The following IL18R1 variants were observed in gnomAD, a reference collection of about 807,000 sequenced individuals.
IL18R1 encodes the protein interleukin-18 receptor 1.
In IL18R1, 40 loss-of-function variants were observed where a neutral mutation model predicts 48.5. The observed-to-expected ratio is 0.82, with a 90% CI of 0.64 to 1.07. The LOEUF (loss-of-function observed/expected upper bound fraction) is 1.07. Among genes scored for constraint, IL18R1 ranks in the 50% least tolerant of loss-of-function variants. The pLI is 0.00. For synonymous variants in IL18R1, 232 were observed against 225.9 expected (o/e 1.03, Z -0.24); for missense variants, 596 against 633.7 (o/e 0.94, Z 0.64).
chr2:102,367,746 T>C (rs2105048085), intron 2 of IL18R1, 79 bp from the exon 3 acceptor site: 2 of 1,237,588 alleles, frequency 1.6e-6, no homozygotes, highest in East Asian at 5.0e-5. Flanking sequence ...CTTCACCTAA[T>C]GCATTAGGAG....
At chr2:102,395,895 C>T (rs1214936676) in intron 10 of IL18R1, among the ~76,000 whole-genome samples, 2 of 152,152 alleles carry the variant, frequency 1.3e-5, no homozygotes, top group Non-Finnish European at 2.9e-5. Context: ...CTGTCGCCTG[C>T]GTCTGCATCT....
chr2:102,364,572 A>C (rs1430322137), intron 2 of IL18R1, among the ~76,000 whole-genome samples: 2 of 152,208 alleles, frequency 1.3e-5, no homozygotes, highest in Non-Finnish European at 2.9e-5. Flanking sequence ...TTGAAGTATT[A>C]GTATAAAATA....
At position 102,368,079 on chromosome 2, in the gene IL18R1, C is replaced by G. The variant is rs540446907; in HGVS notation, c.302+11C>G. ...CTTTTTCCAAATGAAGTGAGTAACCCTTTCTTTTCAAAATGTATTTCACAG... is the reference window on the plus strand; with the variant it reads ...CTTTTTCCAAATGAAGTGAGTAACCGTTTCTTTTCAAAATGTATTTCACAG... On this transcript the variant is annotated intron_variant, in intron 3 of 10. Coordinates refer to ENST00000233957, the MANE Select transcript of IL18R1 (RefSeq NM_003855.5). The G allele has an allele frequency of 3.8e-5, 61 of 1,612,780 alleles. No homozygotes were observed. Among genetic ancestry groups the G allele is most frequent in the Non-Finnish European group, 4.8e-5 (57 of 1,178,948 alleles).
Position 102,362,771 on chromosome 2 carries a change from T to C in IL18R1, c.58+53T>C, listed in dbSNP as rs557293669. ...TATTTCATGAGTAATTGAGGAAGAA[T>C]GTCAAAGTTTTTTTTTTTATGTGGT... is the stretch of plus-strand genomic sequence containing the variant. On this transcript the variant is annotated intron_variant, in intron 2 of 10. Coordinates refer to ENST00000233957, the MANE Select transcript of IL18R1 (RefSeq NM_003855.5). 4.1e-6 allele frequency: 5 copies of C among 1,215,394 alleles called. No homozygotes were observed. The African/African-American group carries it at 6.2e-5, about 15-fold the overall frequency. The allele number at this position is 1,215,394 out of a possible 1,614,324, so 75.3% of individuals were successfully genotyped here. A position where few individuals can be genotyped will look rare whatever the true frequency, so the allele number is the denominator to read the frequency against.
intron 3 of IL18R1, among the ~76,000 whole-genome samples, chr2:102,369,780 T>C (rs1328044818): frequency 1.3e-5 from 2 of 152,238 alleles, no homozygotes; most frequent in African/African-American, 4.8e-5. Context: ...AGTAATTCTT[T>C]AATTTTTAGG....
chr2:102,361,449 G>C (rs903485133), intron 1 of IL18R1, among the ~76,000 whole-genome samples: 1 of 152,230 alleles, frequency 6.6e-6, no homozygotes, highest in Non-Finnish European at 1.5e-5. Context: ...TTCAGGCATT[G>C]ACAACTCTGT....
intron 1 of IL18R1, among the ~76,000 whole-genome samples, chr2:102,357,135 G>C (rs959471525): frequency 6.6e-6 from 1 of 152,168 alleles, no homozygotes; most frequent in African/African-American, 2.4e-5. Flanking sequence ...GGTTTGTGCA[G>C]GTTCTGGGGA....
intron 8 of IL18R1, among the ~76,000 whole-genome samples, chr2:102,389,193 C>T (rs1270680514): frequency 6.6e-6 from 1 of 151,960 alleles, no homozygotes; most frequent in East Asian, 1.9e-4. Context: ...ATTTTAATGA[C>T]CTACTGAAAT....
chr2:102,359,251 T>A (rs1174882258), intron 1 of IL18R1, among the ~76,000 whole-genome samples: 1 of 152,138 alleles, frequency 6.6e-6, no homozygotes, highest in African/African-American at 2.4e-5. Context: ...GAAAATTAAT[T>A]GTTGGTGGAT....
intron 1 of IL18R1, among the ~76,000 whole-genome samples, chr2:102,357,112 A>G (rs1487665215): frequency 6.6e-6 from 1 of 152,136 alleles, no homozygotes; most frequent in Non-Finnish European, 1.5e-5. Flanking sequence ...GGAGGGGTAA[A>G]TTTGGGGAAT....
chr2:102,390,057 A>G lies in IL18R1; in HGVS notation c.951A>G (p.Ala317=). The G allele has an allele frequency of 6.2e-7, 1 of 1,613,814 alleles. No individual in the cohort carries two copies. The highest frequency in any genetic ancestry group is 2.2e-5 in the East Asian group (1 of 44,850). The part of the protein sequence containing the change: ...DTKSFILVRK[A]DMADIPGHVF... ...TTCCTTTTTCCCTTTCTTTTCTAGC[A>G]GACATGGCTGATATCCCAGGCCACG... Residue 317 remains alanine, a splice_region_variant and synonymous_variant, in exon 9 of 11, where the codon GCA becomes GCG. Coordinates refer to ENST00000233957, the MANE Select transcript of IL18R1 (RefSeq NM_003855.5).
intron 6 of IL18R1, among the ~76,000 whole-genome samples, chr2:102,382,937 A>G (rs1314176987): frequency 6.6e-6 from 1 of 152,176 alleles, no homozygotes; most frequent in African/African-American, 2.4e-5. Flanking sequence ...CTCTGGTAGT[A>G]TATACCTTCA....
chr2:102,380,096 G>A (rs1418489407), intron 5 of IL18R1, among the ~76,000 whole-genome samples: 3 of 152,138 alleles, frequency 2.0e-5, no homozygotes, highest in African/African-American at 7.2e-5. Flanking sequence ...CTGATCGGGT[G>A]GCGTCTCCTC....
chr2:102,356,155 T>G lies in IL18R1; in HGVS notation c.-274T>G, dbSNP rs1485953402. ...CCGGCCGGGGTTAGCAGCCAGGAGCTGCCAGACGCCTGACATTCTTCTTTC... is the reference window on the plus strand; with the variant it reads ...CCGGCCGGGGTTAGCAGCCAGGAGCGGCCAGACGCCTGACATTCTTCTTTC... On this transcript the variant is annotated 5_prime_UTR_variant, in exon 1 of 11. Transcript: ENST00000233957. The G allele has an allele frequency of 5.5e-6, 1 of 183,186 alleles. No individual in the cohort carries two copies. Among genetic ancestry groups the G allele is most frequent in the African/African-American group, 2.4e-5 (1 of 41,564 alleles). 11.3% of individuals were successfully genotyped at this position (183,186 alleles called of 1,614,324 possible).
chr2:102,395,981 C>A (rs1680805582), intron 10 of IL18R1, among the ~76,000 whole-genome samples: 1 of 152,134 alleles, frequency 6.6e-6, no homozygotes, highest in Non-Finnish European at 1.5e-5. Context: ...TACTATCTGG[C>A]CCTTTGCAGA....
At chr2:102,366,413 G>C (rs1193286741) in intron 2 of IL18R1, among the ~76,000 whole-genome samples, 4 of 152,072 alleles carry the variant, frequency 2.6e-5, no homozygotes, top group Non-Finnish European at 4.4e-5. Flanking sequence ...TCAGCATTTT[G>C]GTTAAAGCCA....
rs986630278 is a variant in IL18R1 at position 102,398,437 on chromosome 2, A to G, written c.*1551A>G. 3.3e-5 allele frequency: 5 copies of G among 152,378 alleles called. No individual in the cohort carries two copies. Among genetic ancestry groups the G allele is most frequent in the African/African-American group, 1.2e-4 (5 of 41,460 alleles). 9.4% of individuals were successfully genotyped at this position (152,378 alleles called of 1,614,324 possible). Reference sequence around the variant, plus strand: ...TAGATATTACTGAAAACCAAAAAAGAGTGAGATTGTCAGTGTAAGAATGTG... The same window carrying G: ...TAGATATTACTGAAAACCAAAAAAGGGTGAGATTGTCAGTGTAAGAATGTG... On this transcript the variant is annotated 3_prime_UTR_variant, in exon 11 of 11. Coordinates refer to ENST00000233957, the MANE Select transcript of IL18R1 (RefSeq NM_003855.5).
intron 2 of IL18R1, among the ~76,000 whole-genome samples, chr2:102,365,613 A>T (rs1678846009): frequency 6.6e-6 from 1 of 152,174 alleles, no homozygotes; most frequent in African/African-American, 2.4e-5. Flanking sequence ...GCTGTACTCC[A>T]GTGGGGACTC....
chr2:102,361,536 G>A (rs1007704913), intron 1 of IL18R1, among the ~76,000 whole-genome samples: 1 of 152,224 alleles, frequency 6.6e-6, no homozygotes, highest in African/African-American at 2.4e-5. Context: ...CACTCAGGAA[G>A]TCTCCATAAG....
Sources: allele counts gnomAD v4.1 joint callset (sites outside exome capture counted in the v4.1 genomes callset), GRCh38; gene constraint gnomAD v4.1.1; transcripts MANE v1.5; gene names NCBI Gene and HGNC (gene_info 2026-07-23, HGNC 2026-07-21).